Variants in HS6ST3 observed in about 807,000 individuals in gnomAD.
The protein encoded by HS6ST3 is heparan sulfate 6-O-sulfotransferase 3.
Under a neutral mutation model 36.7 loss-of-function variants are expected in HS6ST3, and 12 were observed. The ratio of observed to expected loss-of-function variants is 0.33; its 90% CI spans 0.21 to 0.53. HS6ST3 has a LOEUF of 0.53. Among genes scored for constraint, HS6ST3 ranks in the 20% least tolerant of loss-of-function variants. HS6ST3 has a pLI of 0.95. For missense variants in HS6ST3, 584 were observed against 640.9 expected, an observed-to-expected ratio of 0.91 and a Z score of 0.96; for synonymous variants, 240 against 257.5, an observed-to-expected ratio of 0.93 and a Z score of 0.65.
At chr13:96,720,087 C>G (rs1037911109) in intron 1 of HS6ST3, among the ~76,000 whole-genome samples, 1 of 152,124 alleles carries the variant, frequency 6.6e-6, no homozygotes, top group Admixed American at 6.5e-5. Flanking sequence ...TCTCTCTTGC[C>G]TTCTTTTTTA....
At chr13:96,779,227 G>T (rs941276247) in intron 1 of HS6ST3, among the ~76,000 whole-genome samples, 1 of 151,892 alleles carries the variant, frequency 6.6e-6, no homozygotes, top group African/African-American at 2.4e-5. Context: ...TAGATGACGG[G>T]TTGATGGGTG....
chr13:96,265,260 C>G (rs2054686186), intron 1 of HS6ST3, among the ~76,000 whole-genome samples: 1 of 152,038 alleles, frequency 6.6e-6, no homozygotes, highest in Non-Finnish European at 1.5e-5. Flanking sequence ...ACTGTAGCCT[C>G]AAACTCCTGG....
intron 1 of HS6ST3, among the ~76,000 whole-genome samples, chr13:96,683,541 A>C (rs1384448295): frequency 6.6e-6 from 1 of 152,084 alleles, no homozygotes; most frequent in Non-Finnish European, 1.5e-5. Flanking sequence ...CGTCTCAGGC[A>C]AGTGCTAGCC....
chr13:96,372,019 T>G (rs2139441591), intron 1 of HS6ST3, among the ~76,000 whole-genome samples: 1 of 152,296 alleles, frequency 6.6e-6, no homozygotes, highest in African/African-American at 2.4e-5. Context: ...ATTGCTGGAT[T>G]ATATGATATT....
rs186245859 is a variant in HS6ST3, at chr13:96,568,330, G to A, written c.708-264160G>A. 4.5e-3 allele frequency among the ~76,000 whole-genome samples: 678 copies of A among 152,200 alleles called. 1 individual carries two copies. Among genetic ancestry groups the A allele is most frequent in the Admixed American group, 0.011 (163 of 15,298 alleles). ...CACCCAGGCTGGAGTTCAATGGCAC[G>A]ATCTCAGCTCACTGCAACCTCTGCC... On this transcript the variant is annotated intron_variant, in intron 1 of 1. Coordinates refer to ENST00000376705, the MANE Select transcript of HS6ST3 (RefSeq NM_153456.4).
rs146892169 is a variant in HS6ST3 at position 96,128,013 on chromosome 13, G to A, written c.707+36444G>A. On this transcript the variant is annotated intron_variant, in intron 1 of 1. Transcript: ENST00000376705. Reference sequence around the variant, plus strand: ...ACCCTATCCCTGAATTTCTGAGTCAGTGTGATTGGAATGGGGCTTGGGAAT... The same window carrying A: ...ACCCTATCCCTGAATTTCTGAGTCAATGTGATTGGAATGGGGCTTGGGAAT... Among the ~76,000 whole-genome samples, 95 of 152,308 alleles carry A rather than the reference G, an allele frequency of 6.2e-4. 2 individuals carry two copies. In the East Asian group the frequency reaches 0.018, roughly 29 times the overall value.
chr13:96,729,154 T>G (rs1425269717), intron 1 of HS6ST3, among the ~76,000 whole-genome samples: 1 of 152,128 alleles, frequency 6.6e-6, no homozygotes. Flanking sequence ...GCAATAACGG[T>G]GCCCATTAGT....
rs117375439 is a variant in HS6ST3 at position 96,390,934 on chromosome 13, C to T, written c.707+299365C>T. 5.1e-4 allele frequency among the ~76,000 whole-genome samples: 77 copies of T among 152,228 alleles called. No individual in the cohort carries two copies. The East Asian group carries it at 0.013, about 26-fold the overall frequency. On this transcript the variant is annotated intron_variant, in intron 1 of 1. Transcript: ENST00000376705. ...TAGCTTAAAAACTGTCATTGTTTCC[C>T]GTCATTGAGGTGCTAAAGCCCTAGT... is the stretch of plus-strand genomic sequence containing the variant.
At chr13:96,101,827 A>G (rs1594676428) in intron 1 of HS6ST3, among the ~76,000 whole-genome samples, 1 of 152,134 alleles carries the variant, frequency 6.6e-6, no homozygotes, top group East Asian at 1.9e-4. Context: ...ACCGCCTTAC[A>G]CGGAGCTGTC....
chr13:96,380,392 A>T (rs2055335437), intron 1 of HS6ST3, among the ~76,000 whole-genome samples: 1 of 151,484 alleles, frequency 6.6e-6, no homozygotes, highest in African/African-American at 2.4e-5. Context: ...CAGCCTCCTG[A>T]GTAGCTGGGA....
At chr13:96,660,640 A>G (rs1033523083) in intron 1 of HS6ST3, among the ~76,000 whole-genome samples, 6 of 152,164 alleles carry the variant, frequency 3.9e-5, no homozygotes, top group Non-Finnish European at 7.4e-5. Flanking sequence ...CTTATGAAAC[A>G]ATAACTATAA....
chr13:96,140,495 A>G (rs752560987), intron 1 of HS6ST3, among the ~76,000 whole-genome samples: 9 of 152,208 alleles, frequency 5.9e-5, no homozygotes, highest in Admixed American at 2.0e-4. Context: ...TGGGACCCCA[A>G]TGTAATGGCA....
At chr13:96,391,503 A>C (rs576859510) in intron 1 of HS6ST3, among the ~76,000 whole-genome samples, 4 of 152,112 alleles carry the variant, frequency 2.6e-5, no homozygotes, top group Non-Finnish European at 5.9e-5. Flanking sequence ...TTCAGCTCTC[A>C]TACTATAGAT....
At chr13:96,732,536 G>T (rs141099119) in intron 1 of HS6ST3, among the ~76,000 whole-genome samples, 1 of 152,024 alleles carries the variant, frequency 6.6e-6, no homozygotes, top group Non-Finnish European at 1.5e-5. Context: ...GTACCACCCT[G>T]TTTGGGTTCC....
chr13:96,238,449 G>T (rs577698038), intron 1 of HS6ST3, among the ~76,000 whole-genome samples: 1 of 152,126 alleles, frequency 6.6e-6, no homozygotes, highest in Admixed American at 6.6e-5. Flanking sequence ...GGCCGACAAG[G>T]CTCTTTTGTT....
rs148349643 is a variant in HS6ST3 at position 96,493,039 on chromosome 13, C to A, written c.708-339451C>A. Among the ~76,000 whole-genome samples the A allele has an allele frequency of 5.5e-3, 832 of 152,312 alleles. 5 individuals carry two copies. Among genetic ancestry groups the A allele is most frequent in the Middle Eastern group, 0.031 (9 of 294 alleles). On this transcript the variant is annotated intron_variant, in intron 1 of 1. Coordinates refer to ENST00000376705, the MANE Select transcript of HS6ST3 (RefSeq NM_153456.4). Reference sequence around the variant, plus strand: ...GGACAACTTTAATTTCTCAGAACCACGCTTAGAAAAAGTTGCCCTTCACTT... The same window carrying A: ...GGACAACTTTAATTTCTCAGAACCAAGCTTAGAAAAAGTTGCCCTTCACTT...
At chr13:96,186,934 G>A (rs2054267424) in intron 1 of HS6ST3, among the ~76,000 whole-genome samples, 1 of 152,202 alleles carries the variant, frequency 6.6e-6, no homozygotes, top group African/African-American at 2.4e-5. Context: ...AGAGGCCACT[G>A]TATGATTAAC....
intron 1 of HS6ST3, among the ~76,000 whole-genome samples, chr13:96,136,326 C>T (rs577204075): frequency 2.1e-3 from 323 of 152,172 alleles, no homozygotes; most frequent in African/African-American, 7.2e-3. Context: ...TTGGCTTCCA[C>T]GGGCTATATG....
intron 1 of HS6ST3, among the ~76,000 whole-genome samples, chr13:96,637,030 G>A (rs2056552442): frequency 6.6e-6 from 1 of 151,934 alleles, no homozygotes; most frequent in Admixed American, 6.6e-5. Flanking sequence ...GAATACAAGT[G>A]TTTTCTTTAA....
Sources: allele counts gnomAD v4.1 joint callset (sites outside exome capture counted in the v4.1 genomes callset), GRCh38; gene constraint gnomAD v4.1.1; transcripts MANE v1.5; gene names NCBI Gene and HGNC (gene_info 2026-07-23, HGNC 2026-07-21).